The following ROBO1 variants were observed in gnomAD, a reference collection of about 807,000 sequenced individuals.
ROBO1 encodes roundabout homolog 1.
In ROBO1, 149 loss-of-function variants were observed where a neutral mutation model predicts 195.9. The ratio of observed to expected loss-of-function variants is 0.76; its 90% CI spans 0.67 to 0.87. The LOEUF (loss-of-function observed/expected upper bound fraction) is 0.87. Ranked by LOEUF, ROBO1 falls within the 40% of genes least tolerant of loss-of-function variation. ROBO1 has a pLI of 0.00. For synonymous variants in ROBO1, 816 were observed against 733.2 expected, an observed-to-expected ratio of 1.11 and a Z score of -1.82; for missense variants, 1,933 against 2,068.3, an observed-to-expected ratio of 0.93 and a Z score of 1.27.
At chr3:79,738,137 A>T (rs565561188) in intron 1 of ROBO1, among the ~76,000 whole-genome samples, 1 of 152,262 alleles carries the variant, frequency 6.6e-6, no homozygotes, top group Admixed American at 6.5e-5. Flanking sequence ...CAGTAAGTTT[A>T]ACACCAAATA....
chr3:79,015,901 A>T (rs1051342088), intron 3 of ROBO1, among the ~76,000 whole-genome samples: 1 of 152,204 alleles, frequency 6.6e-6, no homozygotes, highest in Non-Finnish European at 1.5e-5. Flanking sequence ...CAGTTAAAAA[A>T]GGAAGAAAAG....
chr3:79,349,691 G>C (rs1196329346), intron 2 of ROBO1, among the ~76,000 whole-genome samples: 3 of 152,074 alleles, frequency 2.0e-5, no homozygotes, highest in African/African-American at 7.2e-5. Context: ...TTTCAACAAG[G>C]GTGCTGAGAC....
intron 3 of ROBO1, among the ~76,000 whole-genome samples, chr3:79,116,079 T>C (rs2079988256): frequency 6.6e-6 from 1 of 152,174 alleles, no homozygotes; most frequent in African/African-American, 2.4e-5. Flanking sequence ...CTTACATTGC[T>C]TGTCTAGTAG....
At chr3:79,208,210 T>G (rs546013706) in intron 2 of ROBO1, among the ~76,000 whole-genome samples, 2 of 152,304 alleles carry the variant, frequency 1.3e-5, no homozygotes, top group African/African-American at 4.8e-5. Context: ...CTAGGTTACG[T>G]GTCCTCCCCA....
chr3:79,060,976 C>T (rs2078906032), intron 3 of ROBO1, among the ~76,000 whole-genome samples: 1 of 152,124 alleles, frequency 6.6e-6, no homozygotes, highest in Non-Finnish European at 1.5e-5. Context: ...TCCTATTCAA[C>T]ATACTGTTGA....
chr3:79,388,365 A>ATC (rs139191515), intron 2 of ROBO1, among the ~76,000 whole-genome samples: 25 of 151,308 alleles, frequency 1.7e-4, no homozygotes, highest in Non-Finnish European at 2.2e-4. Flanking sequence ...CTGTTATAGT[A>ATC]TCTCTCTCTC....
intron 2 of ROBO1, among the ~76,000 whole-genome samples, chr3:79,435,498 T>C (rs2038851849): frequency 6.6e-6 from 1 of 152,158 alleles, no homozygotes; most frequent in South Asian, 2.1e-4. Context: ...TCATATTATT[T>C]TTTAGGTTTA....
At chr3:79,446,012 G>A (rs2039242607) in intron 2 of ROBO1, among the ~76,000 whole-genome samples, 1 of 151,886 alleles carries the variant, frequency 6.6e-6, no homozygotes, top group South Asian at 2.1e-4. Context: ...CATCCAGGCT[G>A]GTCTCAAACT....
At chr3:78,654,918 A>G (rs1350575188) in intron 18 of ROBO1, among the ~76,000 whole-genome samples, 1 of 152,218 alleles carries the variant, frequency 6.6e-6, no homozygotes, top group African/African-American at 2.4e-5. Context: ...ATGTTCATAA[A>G]TTAATATTGA....
intron 1 of ROBO1, among the ~76,000 whole-genome samples, chr3:79,609,388 C>T (rs577427132): frequency 3.0e-4 from 46 of 151,784 alleles, no homozygotes; most frequent in African/African-American, 1.1e-3. Flanking sequence ...TTGAAACATC[C>T]GTGCACTGCT....
At chr3:79,441,744 C>T (rs184928124) in intron 2 of ROBO1, among the ~76,000 whole-genome samples, 47 of 152,170 alleles carry the variant, frequency 3.1e-4, no homozygotes, top group African/African-American at 1.1e-3. Flanking sequence ...TTTCTAGAGT[C>T]TGCAGAGTGT....
At chr3:78,647,735 C>T (rs775600073) in intron 19 of ROBO1, 80 bp from the exon 20 acceptor site, 16 of 1,176,532 alleles carry the variant, frequency 1.4e-5, no homozygotes, top group Non-Finnish European at 1.9e-5. Context: ...ATAAATCAAG[C>T]AGACAGCTGA....
intron 1 of ROBO1, among the ~76,000 whole-genome samples, chr3:79,745,118 A>G (rs548770199): frequency 2.0e-5 from 3 of 152,282 alleles, no homozygotes; most frequent in Non-Finnish European, 2.9e-5. Flanking sequence ...TTTTTGCCTT[A>G]AGTACAGCTT....
Position 79,021,651 on chromosome 3 carries a change from A to AT in ROBO1, c.173-82725dup, listed in dbSNP as rs71127372. ...CCCCTCTCTTCCACTCCTAGAGATG[A>AT]TTTTTTTTTTTTTTTTTTTTTTTTT... On this transcript the variant is annotated intron_variant, in intron 3 of 30. Transcript: ENST00000464233. 3.3e-3 allele frequency among the ~76,000 whole-genome samples: 252 copies of AT among 76,888 alleles called. 6 individuals are homozygous for AT. Among genetic ancestry groups the AT allele is most frequent in the African/African-American group, 0.011 (207 of 18,210 alleles). The allele number at this position is 76,888 out of a possible 152,430, so 50.4% of individuals were successfully genotyped here. A position where few individuals can be genotyped will look rare whatever the true frequency, so the allele number is the denominator to read the frequency against.
At chr3:78,955,694 ACT>A (rs556073216) in intron 3 of ROBO1, among the ~76,000 whole-genome samples, 28 of 152,150 alleles carry the variant, frequency 1.8e-4, no homozygotes, top group Non-Finnish European at 3.4e-4. Flanking sequence ...TACTTCAATA[ACT>A]CTTGATTCTA....
intron 17 of ROBO1, among the ~76,000 whole-genome samples, chr3:78,657,959 T>C (rs903583227): frequency 2.0e-5 from 3 of 152,310 alleles, no homozygotes; most frequent in Non-Finnish European, 4.4e-5. Context: ...TGAGAGACAA[T>C]TTGCCCTCTG....
At position 79,039,121 on chromosome 3, in the gene ROBO1, G is replaced by A. The variant is rs543244598; in HGVS notation, c.172+86335C>T. Among the ~76,000 whole-genome samples, 4 of 152,272 alleles carry A rather than the reference G, an allele frequency of 2.6e-5. No individual in the cohort carries two copies. The South Asian group carries it at 8.3e-4, about 32-fold the overall frequency. On this transcript the variant is annotated intron_variant, in intron 3 of 30. Transcript: ENST00000464233. ...AGAAATAATGTACAGAAATAACTTT[G>A]TTCTGATGTTCTATATCTTTCGGTA...
intron 2 of ROBO1, among the ~76,000 whole-genome samples, chr3:79,307,863 A>G (rs904318447): frequency 4.6e-5 from 7 of 152,176 alleles, no homozygotes; most frequent in Non-Finnish European, 1.0e-4. Flanking sequence ...TGACAACAAC[A>G]AAACAGAAAA....
chr3:78,636,623 A>G (rs1705518165), intron 22 of ROBO1, among the ~76,000 whole-genome samples: 1 of 151,936 alleles, frequency 6.6e-6, no homozygotes, highest in South Asian at 2.1e-4. Flanking sequence ...AGATATGGGA[A>G]CAGGGGTAAA....
Sources: gnomAD v4.1 joint callset for allele counts (sites outside exome capture counted in the v4.1 genomes callset) on GRCh38, gnomAD v4.1.1 for gene constraint, MANE v1.5 for transcripts, NCBI Gene and HGNC (gene_info 2026-07-23, HGNC 2026-07-21) for gene names.